The following ARNT variants were observed in gnomAD, a reference collection of about 807,000 sequenced individuals.
ARNT encodes the protein aryl hydrocarbon receptor nuclear translocator, also known as class E basic helix-loop-helix protein 2.
In ARNT, 30 loss-of-function variants were observed where a neutral mutation model predicts 105.0. That is an observed-to-expected ratio of 0.29 (90% CI 0.21 to 0.39). The LOEUF (loss-of-function observed/expected upper bound fraction) is 0.39, where lower values mean the gene tolerates loss of function less well. Ranked by LOEUF, ARNT falls within the 10% of genes least tolerant of loss-of-function variation. The pLI is 1.00. For synonymous variants in ARNT, 304 were observed against 344.0 expected (o/e 0.88, Z 1.29); for missense variants, 748 against 978.7 (o/e 0.76, Z 3.15).
chr1:150,861,736 C>T (rs1665681143), intron 1 of ARNT, among the ~76,000 whole-genome samples: 1 of 151,798 alleles, frequency 6.6e-6, no homozygotes, highest in African/African-American at 2.4e-5. Context: ...GTAATTTTTA[C>T]CCAAAAAAAA....
intron 8 of ARNT, among the ~76,000 whole-genome samples, chr1:150,833,863 GACT>G (rs993553369): frequency 5.3e-5 from 8 of 151,114 alleles, no homozygotes; most frequent in Non-Finnish European, 4.4e-5. Context: ...TTTGTAGTCA[GACT>G]ACTATGAATT....
At chr1:150,852,920 G>C in intron 2 of ARNT, 114 bp from the exon 3 acceptor site, 2 of 1,311,370 alleles carry the variant, frequency 1.5e-6, no homozygotes, top group Non-Finnish European at 2.2e-6. Flanking sequence ...AGAATGGAAA[G>C]AGGAAGTGGC....
chr1:150,819,661 G>A lies in ARNT; in HGVS notation c.1395-1631C>T, dbSNP rs1009126050. 5.3e-5 allele frequency among the ~76,000 whole-genome samples: 8 copies of A among 152,092 alleles called. No individual in the cohort carries two copies. The South Asian group carries it at 8.3e-4, about 16-fold the overall frequency. ...GTAAACATTATACTAAGTAAAATAG[G>A]CCAGTTACAAAGGAATTACAAAGTC... On this transcript the variant is annotated intron_variant, in intron 14 of 21. Coordinates refer to ENST00000358595, the MANE Select transcript of ARNT (RefSeq NM_001668.4).
rs587704303 is a variant in ARNT, at chr1:150,850,422, C to T, written c.182+2340G>A. On this transcript the variant is annotated intron_variant, in intron 3 of 21. Coordinates refer to ENST00000358595, the MANE Select transcript of ARNT (RefSeq NM_001668.4). ...TCAGCCTGCCGAGTGCCTGCGATTG[C>T]AGTCGCGCGCCGCCACGCCTGACTG... is the stretch of plus-strand genomic sequence containing the variant. Among the ~76,000 whole-genome samples the T allele has an allele frequency of 4.3e-4, 66 of 152,354 alleles. No individual in the cohort carries two copies. The East Asian group carries it at 0.01, about 24-fold the overall frequency.
chr1:150,841,241 C>A (rs587628462), intron 5 of ARNT, among the ~76,000 whole-genome samples: 1 of 151,434 alleles, frequency 6.6e-6, no homozygotes, highest in Non-Finnish European at 1.5e-5. Context: ...TGAGCCACTG[C>A]GCCCGGCCTG....
At position 150,816,891 on chromosome 1, in the gene ARNT, C is replaced by G; in HGVS notation, c.1700-1G>C. On this transcript the variant is annotated splice_acceptor_variant, in intron 17 of 21. Transcript: ENST00000358595. LOFTEE classifies it high-confidence loss of function. ...CTGGAGGAGATGCCTTTACTCTGAT[C>G]TGTGGACCAAAAGGAGTTGGGGAAG... 1 of 1,606,372 alleles carries G rather than the reference C, an allele frequency of 6.2e-7. No homozygotes were observed. The highest frequency in any genetic ancestry group is 8.5e-7 in the Non-Finnish European group (1 of 1,178,186).
intron 13 of ARNT, among the ~76,000 whole-genome samples, chr1:150,825,259 A>C (rs1657965253): frequency 6.6e-6 from 1 of 152,232 alleles, no homozygotes; most frequent in South Asian, 2.1e-4. Context: ...CAGTATTAGA[A>C]GCTAACCACT....
intron 14 of ARNT, among the ~76,000 whole-genome samples, chr1:150,819,138 G>C (rs1656544800): frequency 6.6e-6 from 1 of 151,988 alleles, no homozygotes; most frequent in African/African-American, 2.4e-5. Context: ...TGATCTTCAA[G>C]AGGTGGATTC....
At chr1:150,834,469 T>C in intron 8 of ARNT, 69 bp downstream of exon 8, 1 of 1,488,744 alleles carries the variant, frequency 6.7e-7, no homozygotes. Context: ...AACTTAACTC[T>C]GACAGAAATA....
chr1:150,829,533 A>C, intron 11 of ARNT: 2 of 599,262 alleles, frequency 3.3e-6, no homozygotes, highest in Non-Finnish European at 6.2e-6. Flanking sequence ...CAAGTAACCA[A>C]GAAACTTATC....
At chr1:150,824,197 T>TA (rs1657722871) in intron 13 of ARNT, among the ~76,000 whole-genome samples, 3 of 151,284 alleles carry the variant, frequency 2.0e-5, no homozygotes, top group Admixed American at 6.6e-5. Flanking sequence ...TTTTGCCATT[T>TA]AAAAAAATGG....
chr1:150,845,784 C>T (rs12082834), intron 4 of ARNT, among the ~76,000 whole-genome samples: 24 of 152,086 alleles, frequency 1.6e-4, no homozygotes, highest in African/African-American at 5.6e-4. Flanking sequence ...GGCCTATAAT[C>T]CCAGCTACTC....
chr1:150,857,835 G>A (rs1332142111), intron 2 of ARNT, among the ~76,000 whole-genome samples: 1 of 152,184 alleles, frequency 6.6e-6, no homozygotes, highest in Non-Finnish European at 1.5e-5. Context: ...AACAAGGACT[G>A]TGTCTTATTC....
chr1:150,854,282 G>C (rs1328741084), intron 2 of ARNT, among the ~76,000 whole-genome samples: 1 of 152,052 alleles, frequency 6.6e-6, no homozygotes, highest in Non-Finnish European at 1.5e-5. Flanking sequence ...TCTCAGCCAG[G>C]CATGGTTGCT....
At chr1:150,876,318 C>A (rs2102560273) in intron 1 of ARNT, among the ~76,000 whole-genome samples, 2 of 152,306 alleles carry the variant, frequency 1.3e-5, no homozygotes, top group East Asian at 1.9e-4. Flanking sequence ...GGGAGCCCCC[C>A]TCAACTCCCA....
rs11552229 is a variant in ARNT at position 150,811,509 on chromosome 1, T to C, written c.*512A>G. The C allele has an allele frequency of 0.35, 82,624 of 233,042 alleles. 15,011 individuals are homozygous for C. Among genetic ancestry groups the C allele is most frequent in the South Asian group, 0.53 (2,935 of 5,502 alleles). The allele number at this position is 233,042 out of a possible 1,614,324, so 14.4% of individuals were successfully genotyped here. On this transcript the variant is annotated 3_prime_UTR_variant, in exon 22 of 22. Transcript: ENST00000358595. ...ACACACTCTCTCTCACTTACTCACATGTTTCTTTCCAGAGGGACTGCTCAC... is the reference window on the plus strand; with the variant it reads ...ACACACTCTCTCTCACTTACTCACACGTTTCTTTCCAGAGGGACTGCTCAC...
chr1:150,842,240 C>T (rs1661417593), intron 5 of ARNT, 184 bp downstream of exon 5: 2 of 984,848 alleles, frequency 2.0e-6, no homozygotes. Flanking sequence ...TCCCTCAACT[C>T]ACCCACTTTC....
chr1:150,840,053 C>T (rs1661003272), intron 5 of ARNT, among the ~76,000 whole-genome samples: 1 of 152,010 alleles, frequency 6.6e-6, no homozygotes, highest in South Asian at 2.1e-4. Flanking sequence ...CCGGCCTGGC[C>T]AACATGGTGA....
At chr1:150,839,036 T>G (rs1184049373) in intron 6 of ARNT, among the ~76,000 whole-genome samples, 1 of 152,158 alleles carries the variant, frequency 6.6e-6, no homozygotes, top group Non-Finnish European at 1.5e-5. Context: ...AGTTCTTCTA[T>G]CACCAAAGGT....
Sources: gnomAD v4.1 joint callset for allele counts (sites outside exome capture counted in the v4.1 genomes callset) on GRCh38, gnomAD v4.1.1 for gene constraint, MANE v1.5 for transcripts, NCBI Gene and HGNC (gene_info 2026-07-23, HGNC 2026-07-21) for gene names.